The following TYW1B variants were observed in gnomAD, a reference collection of about 807,000 sequenced individuals.
TYW1B encodes tRNA-yW synthesizing protein 1 homolog B, also known as S-adenosyl-L-methionine-dependent tRNA 4-demethylwyosine synthase TYW1B.
TYW1B carries 73 observed loss-of-function variants against 86.9 expected under a neutral mutation model. The ratio of observed to expected loss-of-function variants is 0.84; its 90% CI spans 0.70 to 1.02. TYW1B has a LOEUF of 1.02. Ranked by LOEUF, TYW1B falls within the 50% of genes least tolerant of loss-of-function variation. TYW1B has a pLI of 0.00. For missense variants in TYW1B, 637 were observed against 827.4 expected, an observed-to-expected ratio of 0.77 and a Z score of 2.82; for synonymous variants, 248 against 292.8, an observed-to-expected ratio of 0.85 and a Z score of 1.56.
rs565477053 is a variant in TYW1B at position 72,740,211 on chromosome 7, C to T, written c.1082+4273G>A. On this transcript the variant is annotated intron_variant, in intron 8 of 13. Coordinates refer to ENST00000620995, the MANE Select transcript of TYW1B (RefSeq NM_001145440.3). ...TTGCACCACTGCACTCCAGCCTGGG[C>T]GACAGAGTGAGACTCTGTCTCAAAA... 5.3e-5 allele frequency among the ~76,000 whole-genome samples: 8 copies of T among 151,068 alleles called. No homozygotes were observed. The East Asian group carries it at 5.9e-4, about 11-fold the overall frequency.
chr7:72,672,266 G>C (rs1585892252), intron 11 of TYW1B, among the ~76,000 whole-genome samples: 1 of 151,904 alleles, frequency 6.6e-6, no homozygotes, highest in Non-Finnish European at 1.5e-5. Context: ...AAACCTCTTT[G>C]TTTTGTGAAT....
At chr7:72,598,611 A>G (rs1246587885) in intron 13 of TYW1B, among the ~76,000 whole-genome samples, 1 of 152,176 alleles carries the variant, frequency 6.6e-6, no homozygotes, top group African/African-American at 2.4e-5. Flanking sequence ...AGAAAAATTC[A>G]TTTTGTCCAG....
In TYW1B at chr7:72,616,731, C is replaced by T. The variant is rs781821818; in HGVS notation, c.1726G>A (p.Glu576Lys). The T allele has an allele frequency of 9.9e-6, 16 of 1,614,090 alleles. No individual in the cohort carries two copies. In the African/African-American group the frequency reaches 1.3e-4, roughly 13 times the overall value. ...FVRELVDLIP[E>K]YEIACEHEHS... ...TCGTGTTCACATGCAATTTCATATT[C>T]GGGGATCAGATCCACCAGCTCGCGG... The change falls in exon 13 of 14, where the codon GAA (glutamate) becomes AAA (lysine). Residue 576 changes from glutamate (E) to lysine (K), a missense_variant. By Grantham distance (56) the Glu-to-Lys change is moderately conservative. Coordinates refer to ENST00000620995, the MANE Select transcript of TYW1B (RefSeq NM_001145440.3).
chr7:72,759,745 G>A (rs1554466901), intron 7 of TYW1B, among the ~76,000 whole-genome samples: 1 of 152,210 alleles, frequency 6.6e-6, no homozygotes, highest in East Asian at 1.9e-4. Flanking sequence ...AAGAGAGAGA[G>A]AAGTCTTTTA....
chr7:72,583,379 G>A (rs528627957), intron 13 of TYW1B, among the ~76,000 whole-genome samples: 184 of 152,206 alleles, frequency 1.2e-3, no homozygotes, highest in African/African-American at 4.3e-3. Context: ...GCAAAATGGC[G>A]GGTTGGGGGT....
chr7:72,673,401 T>G (rs1472293383), intron 11 of TYW1B, among the ~76,000 whole-genome samples: 1 of 152,194 alleles, frequency 6.6e-6, no homozygotes, highest in Non-Finnish European at 1.5e-5. Flanking sequence ...TTATATACAA[T>G]GGAGTACTAT....
At chr7:72,774,381 GAA>G (rs35641958) in intron 7 of TYW1B, among the ~76,000 whole-genome samples, 212 of 124,904 alleles carry the variant, frequency 1.7e-3, no homozygotes, top group African/African-American at 6.1e-3. Context: ...TGTCCCAGGG[GAA>G]AAAAAAAAAA....
intron 13 of TYW1B, among the ~76,000 whole-genome samples, chr7:72,613,452 G>GGCT (rs1378494412): frequency 9.0e-5 from 11 of 122,768 alleles, no homozygotes; most frequent in Admixed American, 1.1e-4. Flanking sequence ...CTTTCGCCCA[G>GGCT]GCTGGAGTGC....
At chr7:72,785,509 A>C (rs201172694) in intron 6 of TYW1B, among the ~76,000 whole-genome samples, 1 of 151,248 alleles carries the variant, frequency 6.6e-6, no homozygotes, top group Non-Finnish European at 1.5e-5. Context: ...GTGTGGCTGG[A>C]TTAACTTCTT....
At chr7:72,693,983 C>CA (rs1273126306) in intron 11 of TYW1B, among the ~76,000 whole-genome samples, 2 of 151,686 alleles carry the variant, frequency 1.3e-5, no homozygotes, top group Non-Finnish European at 2.9e-5. Flanking sequence ...TTTTTTGAGA[C>CA]AGAGTCTCAC....
At chr7:72,608,553 G>A (rs1554435292) in intron 13 of TYW1B, among the ~76,000 whole-genome samples, 1 of 152,174 alleles carries the variant, frequency 6.6e-6, no homozygotes, top group Non-Finnish European at 1.5e-5. Context: ...CTCAACAACA[G>A]TGCAGAGAAA....
intron 6 of TYW1B, among the ~76,000 whole-genome samples, chr7:72,798,913 C>A (rs1788355921): frequency 6.6e-6 from 1 of 152,114 alleles, no homozygotes; most frequent in African/African-American, 2.4e-5. Context: ...CTCTGTAGAG[C>A]CATTTGTGAG....
chr7:72,632,653 A>G (rs1812569273), intron 11 of TYW1B, among the ~76,000 whole-genome samples: 1 of 147,608 alleles, frequency 6.8e-6, no homozygotes, highest in Admixed American at 7.0e-5. Context: ...AGAGTTTACA[A>G]TTCATCTGAA....
chr7:72,741,843 A>T (rs1787309655), intron 8 of TYW1B, among the ~76,000 whole-genome samples: 1 of 152,216 alleles, frequency 6.6e-6, no homozygotes, highest in East Asian at 1.9e-4. Flanking sequence ...GTACATTTAA[A>T]ATGTTACAAG....
chr7:72,650,183 G>A (rs571256890), intron 11 of TYW1B, among the ~76,000 whole-genome samples: 1 of 151,768 alleles, frequency 6.6e-6, no homozygotes, highest in East Asian at 1.9e-4. Flanking sequence ...CAAAGTGCTG[G>A]GATTACAGGA....
chr7:72,646,067 G>C (rs1171183410), intron 11 of TYW1B, among the ~76,000 whole-genome samples: 1 of 147,728 alleles, frequency 6.8e-6, no homozygotes, highest in Non-Finnish European at 1.5e-5. Context: ...GTTTTTTGTT[G>C]AGAGGTTCAC....
intron 11 of TYW1B, among the ~76,000 whole-genome samples, chr7:72,629,807 C>T (rs192346228): frequency 9.6e-4 from 146 of 152,072 alleles, no homozygotes; most frequent in African/African-American, 3.1e-3. Flanking sequence ...CTGAGGCTTC[C>T]GAAGGGCTGG....
chr7:72,755,336 T>G (rs1554465802), intron 7 of TYW1B, among the ~76,000 whole-genome samples: 1 of 152,162 alleles, frequency 6.6e-6, no homozygotes, highest in East Asian at 1.9e-4. Context: ...GGAGGATCAC[T>G]TGAGCCAGGG....
chr7:72,653,906 C>T (rs1322043836), intron 11 of TYW1B, among the ~76,000 whole-genome samples: 11 of 151,934 alleles, frequency 7.2e-5, no homozygotes, highest in African/African-American at 2.7e-4. Context: ...ATAGCTGAAC[C>T]CTGTCTCTAT....
Sources: allele counts gnomAD v4.1 joint callset (sites outside exome capture counted in the v4.1 genomes callset), GRCh38; gene constraint gnomAD v4.1.1; transcripts MANE v1.5; gene names NCBI Gene and HGNC (gene_info 2026-07-23, HGNC 2026-07-21).